The following ZNF638 variants were observed in gnomAD, a reference collection of about 807,000 sequenced individuals.
ZNF638 encodes the protein CTCL tumor antigen se33-1.
In ZNF638, 46 loss-of-function variants were observed where a neutral mutation model predicts 195.6. The ratio of observed to expected loss-of-function variants is 0.24; its 90% CI spans 0.19 to 0.30. The LOEUF is 0.30. Among genes scored for constraint, ZNF638 ranks in the 10% least tolerant of loss-of-function variants. ZNF638 has a pLI of 1.00. For missense variants in ZNF638, 2,440 were observed against 2,325.3 expected (o/e 1.05, Z -1.01); for synonymous variants, 845 against 772.0 (o/e 1.09, Z -1.57).
intron 6 of ZNF638, among the ~76,000 whole-genome samples, chr2:71,367,861 T>G (rs1417819221): frequency 6.6e-6 from 1 of 152,030 alleles, no homozygotes; most frequent in Non-Finnish European, 1.5e-5. Context: ...TGAGCCACCA[T>G]GCCTGGCTGT....
rs903816780 is a variant in ZNF638 at position 71,367,043 on chromosome 2, G to C, written c.1995+1337G>C. Among the ~76,000 whole-genome samples the C allele has an allele frequency of 7.5e-4, 114 of 152,050 alleles. 3 individuals carry two copies. Among genetic ancestry groups the C allele is most frequent in the Non-Finnish European group, 1.5e-4 (10 of 68,022 alleles). ...AATACATGAAAGACTTTCAGTAAGT[G>C]CTGTTCCCTGCCCCAAAGAACTTAC... On this transcript the variant is annotated intron_variant, in intron 6 of 27. Coordinates refer to ENST00000264447, the MANE Select transcript of ZNF638 (RefSeq NM_014497.5).
chr2:71,429,409 G>A (rs1259065771), intron 25 of ZNF638, among the ~76,000 whole-genome samples: 1 of 152,158 alleles, frequency 6.6e-6, no homozygotes, highest in East Asian at 1.9e-4. Flanking sequence ...TGTAAAATTA[G>A]CTTTCCCCCC....
intron 2 of ZNF638, among the ~76,000 whole-genome samples, chr2:71,354,855 T>A (rs1304223866): frequency 6.6e-6 from 1 of 152,224 alleles, no homozygotes; most frequent in Admixed American, 6.5e-5. Flanking sequence ...TGAAAATAGA[T>A]TTGATCAGTA....
At chr2:71,344,807 A>G (rs548122483) in intron 1 of ZNF638, among the ~76,000 whole-genome samples, 2 of 152,382 alleles carry the variant, frequency 1.3e-5, no homozygotes, top group Admixed American at 6.5e-5. Context: ...AAAGGAAACT[A>G]TAATACCTTA....
intron 1 of ZNF638, among the ~76,000 whole-genome samples, chr2:71,340,562 G>A (rs906958693): frequency 5.9e-5 from 9 of 152,296 alleles, no homozygotes; most frequent in African/African-American, 2.2e-4. Flanking sequence ...CTCTAACAAA[G>A]CAGTATCAAA....
At chr2:71,355,129 T>G (rs1009317224) in intron 2 of ZNF638, among the ~76,000 whole-genome samples, 30 of 152,038 alleles carry the variant, frequency 2.0e-4, no homozygotes, top group Non-Finnish European at 3.5e-4. Flanking sequence ...CCACAACGCC[T>G]GGCTAATTTT....
chr2:71,387,662 C>CA (rs1202384861), intron 10 of ZNF638, among the ~76,000 whole-genome samples: 6 of 45,390 alleles, frequency 1.3e-4, no homozygotes, highest in African/African-American at 4.2e-4. Context: ...AAGACTCTCT[C>CA]AAAAAAAAAA....
intron 8 of ZNF638, among the ~76,000 whole-genome samples, chr2:71,377,606 C>T (rs1050477968): frequency 6.6e-6 from 1 of 152,120 alleles, no homozygotes; most frequent in African/African-American, 2.4e-5. Context: ...TCTGTTATGC[C>T]TCTGTTGTGT....
intron 17 of ZNF638, 122 bp from the exon 18 acceptor site, chr2:71,405,479 A>G (rs2080088358): frequency 1.6e-6 from 1 of 624,548 alleles, no homozygotes; most frequent in Non-Finnish European, 2.7e-6. Flanking sequence ...CTGCTTCTTA[A>G]TTTTATAAAA....
chr2:71,408,472 C>T (rs566646520), intron 20 of ZNF638: 3 of 465,892 alleles, frequency 6.4e-6, no homozygotes, highest in Non-Finnish European at 1.1e-5. Flanking sequence ...TGAATACTTA[C>T]TGTTGACATG....
intron 16 of ZNF638, among the ~76,000 whole-genome samples, chr2:71,402,763 C>T (rs1293041316): frequency 6.6e-6 from 1 of 152,084 alleles, no homozygotes; most frequent in Non-Finnish European, 1.5e-5. Context: ...AGCGAGATTT[C>T]AGGAAATAGT....
intron 4 of ZNF638, 39 bp from the exon 5 acceptor site, chr2:71,363,915 A>G: frequency 6.4e-7 from 1 of 1,568,808 alleles, no homozygotes; most frequent in Non-Finnish European, 8.6e-7. Flanking sequence ...ATTTACATTA[A>G]ATTGCTGATC....
chr2:71,403,791 T>G, intron 16 of ZNF638, 79 bp from the exon 17 acceptor site: 1 of 1,041,234 alleles, frequency 9.6e-7, no homozygotes, highest in Non-Finnish European at 1.4e-6. Flanking sequence ...TTTGAAGTAG[T>G]TTGTTTATAC....
rs545649484 is a variant in ZNF638 at position 71,386,032 on chromosome 2, A to G, written c.2377+5467A>G. The stretch of plus-strand genomic sequence containing the variant: ...AATACTACCATATTAAAAAAAGAAC[A>G]TATGATCCTTTCCATAAATACTGAA... On this transcript the variant is annotated intron_variant, in intron 10 of 27. Coordinates refer to ENST00000264447, the MANE Select transcript of ZNF638 (RefSeq NM_014497.5). Among the ~76,000 whole-genome samples the G allele has an allele frequency of 4.6e-4, 70 of 152,332 alleles. 1 individual carries two copies. Among genetic ancestry groups the G allele is most frequent in the Middle Eastern group, 3.4e-3 (1 of 294 alleles).
intron 10 of ZNF638, chr2:71,393,401 T>A (rs953173260): frequency 1.4e-6 from 1 of 718,454 alleles, no homozygotes; most frequent in Non-Finnish European, 2.6e-6. Context: ...CAGGCCCTCT[T>A]TGGATTCCAG....
Position 71,426,701 on chromosome 2 carries a change from C to T in ZNF638, c.4832C>T (p.Ala1611Val), listed in dbSNP as rs751132474. The change falls in exon 24 of 28, where the codon GCT (alanine) becomes GTT (valine). Residue 1611 changes from alanine (A) to valine (V), a missense_variant. By Grantham distance (64) the Ala-to-Val change is moderately conservative. Around this residue, in one of 5 missense-constraint regions of ZNF638, gnomAD observed 1,883 missense variants for 1,739.1 expected, o/e 1.08. Coordinates refer to ENST00000264447, the MANE Select transcript of ZNF638 (RefSeq NM_014497.5). ...GAGATTGGGGAAGAGGAAGATGCAG[C>T]TGCACATCTAGCACAAGCTCTAGTC... is the stretch of plus-strand genomic sequence containing the variant. The part of the protein sequence containing the change: ...LDEIGEEEDA[A>V]AHLAQALVTV... 1 of 1,614,176 alleles carries T rather than the reference C, an allele frequency of 6.2e-7. No homozygotes were observed. The highest frequency in any genetic ancestry group is 1.1e-5 in the South Asian group (1 of 91,078).
rs1181570876 is a variant in ZNF638, at chr2:71,383,762, C to CTTTTTTTTTT, written c.2377+3207_2377+3216dup. On this transcript the variant is annotated intron_variant, in intron 10 of 27. Coordinates refer to ENST00000264447, the MANE Select transcript of ZNF638 (RefSeq NM_014497.5). ...AATTTTTCTTTTTTTTTTTCTTTTT[C>CTTTTTTTTTT]TTTTTTTTTTTTTTTTTTTAGTAGA... Among the ~76,000 whole-genome samples the CTTTTTTTTTT allele has an allele frequency of 3.4e-3, 262 of 76,700 alleles. 1 individual carries two copies. Among genetic ancestry groups the CTTTTTTTTTT allele is most frequent in the Non-Finnish European group, 4.1e-3 (177 of 42,712 alleles). 50.3% of individuals were successfully genotyped at this position (76,700 alleles called of 152,430 possible).
intron 5 of ZNF638, among the ~76,000 whole-genome samples, chr2:71,364,609 G>A (rs530081406): frequency 6.6e-6 from 1 of 152,152 alleles, no homozygotes; most frequent in South Asian, 2.1e-4. Flanking sequence ...ACACATGCAT[G>A]CCCACATACA....
At chr2:71,398,384 C>T (rs906412987) in intron 11 of ZNF638, among the ~76,000 whole-genome samples, 2 of 151,708 alleles carry the variant, frequency 1.3e-5, no homozygotes, top group African/African-American at 2.4e-5. Context: ...TGGGAATTTC[C>T]CTCTTGTGGT....
Sources: gnomAD v4.1 joint callset for allele counts (sites outside exome capture counted in the v4.1 genomes callset) on GRCh38, gnomAD v4.1.1 for gene constraint, gnomAD v4.1.1 regional missense constraint, MANE v1.5 for transcripts, NCBI Gene and HGNC (gene_info 2026-07-23, HGNC 2026-07-21) for gene names.